CXorf58: variants seen among roughly 807,000 people sequenced by gnomAD.
The protein encoded by CXorf58 is uncharacterized protein CXorf58.
CXorf58 carries 24 observed loss-of-function variants against 26.0 expected under a neutral mutation model. The observed-to-expected ratio is 0.92, with a 90% CI of 0.67 to 1.30. The LOEUF (loss-of-function observed/expected upper bound fraction) is 1.30. Among genes scored for constraint, CXorf58 ranks in the 50% most tolerant of loss-of-function variants. The pLI, the probability that CXorf58 is intolerant of heterozygous loss-of-function variation, is 0.00. For missense variants in CXorf58, 236 were observed against 263.9 expected, an observed-to-expected ratio of 0.89 and a Z score of 0.73; for synonymous variants, 87 against 86.1, an observed-to-expected ratio of 1.01 and a Z score of -0.06.
Position 23,927,306 on chromosome X carries a change from G to A in CXorf58, c.491G>A (p.Arg164His), listed in dbSNP as rs762524721. ...CACCGTATAATTATGGAAGATGAAC[G>A]TATTTTCCCGAAGTCCAAAGTAACT... is the stretch of plus-strand genomic sequence containing the variant. ...KFHRIIMEDERIFPKSKVTDI... is the reference protein window; with the variant it reads ...KFHRIIMEDEHIFPKSKVTDI... Residue 164 changes from arginine (R) to histidine (H), a missense_variant, in exon 6 of 9, where the codon CGT (arginine) becomes CAT (histidine). Transcript: ENST00000379211. The A allele has an allele frequency of 3.4e-6, 4 of 1,160,741 alleles. No individual in the cohort carries two copies. The highest frequency in any genetic ancestry group is 6.2e-5 in the East Asian group (2 of 32,096).
rs1927589635 is a variant in CXorf58, at chrX:23,911,872, A to AT, written c.216+23dup. On this transcript the variant is annotated intron_variant, in intron 3 of 8. Coordinates refer to ENST00000379211, the MANE Select transcript of CXorf58 (RefSeq NM_152761.3). ...TTGTGCAGCGGTATGTATTTTGCTT[A>AT]TTTTTTTCTCTGAGGGATTTAATTA... is the stretch of plus-strand genomic sequence containing the variant. The AT allele has an allele frequency of 2.8e-6, 3 of 1,077,093 alleles. No homozygotes were observed. Among genetic ancestry groups the AT allele is most frequent in the Admixed American group, 2.4e-5 (1 of 42,222 alleles). The allele number at this position is 1,077,093 out of a possible 1,213,427, so 88.8% of individuals were successfully genotyped here.
rs116158322 is a variant in CXorf58, at chrX:23,916,437, C to T, written c.423+109C>T. 1,302 of 454,463 alleles carry T rather than the reference C, an allele frequency of 2.9e-3. 21 individuals carry two copies. The African/African-American group carries it at 0.032, about 11-fold the overall frequency. The allele number at this position is 454,463 out of a possible 1,213,427, so 37.5% of individuals were successfully genotyped here. On this transcript the variant is annotated intron_variant, in intron 5 of 8. Transcript: ENST00000379211. ...ATAAGTTATTTCACCATGAAACAGCCCACCAGGTAGGTAGTGTGTTTTTTT... is the reference window on the plus strand; with the variant it reads ...ATAAGTTATTTCACCATGAAACAGCTCACCAGGTAGGTAGTGTGTTTTTTT...
intron 5 of CXorf58, among the ~76,000 whole-genome samples, chrX:23,925,119 A>G (rs1329888342): frequency 1.8e-5 from 2 of 112,107 alleles, no homozygotes; most frequent in Non-Finnish European, 3.8e-5. Flanking sequence ...TACGTTAGGA[A>G]TAAAACTTCA....
intron 3 of CXorf58, among the ~76,000 whole-genome samples, chrX:23,912,135 T>A (rs1927599031): frequency 9.0e-6 from 1 of 110,631 alleles, no homozygotes; most frequent in Admixed American, 9.6e-5. Context: ...GTATTTTTAG[T>A]AGCGATGGGG....
intron 2 of CXorf58, among the ~76,000 whole-genome samples, chrX:23,910,782 T>G (rs1386504220): frequency 1.0e-5 from 1 of 99,523 alleles, no homozygotes; most frequent in Non-Finnish European, 2.0e-5. Context: ...TTTTTTTTTT[T>G]TCAGACAGAG....
chrX:23,936,115 C>T (rs1309093900), intron 7 of CXorf58, among the ~76,000 whole-genome samples: 2 of 109,462 alleles, frequency 1.8e-5, no homozygotes, highest in Admixed American at 2.0e-4. Flanking sequence ...TGCGATCTGC[C>T]GAGAACCAGG....
At chrX:23,917,807 CGCT>C (rs1927769906) in intron 5 of CXorf58, among the ~76,000 whole-genome samples, 1 of 111,923 alleles carries the variant, frequency 8.9e-6, no homozygotes. Context: ...AAAATGCTGC[CGCT>C]GCTGCTGGTC....
At chrX:23,924,391 G>A (rs778860975) in intron 5 of CXorf58, among the ~76,000 whole-genome samples, 237 of 108,985 alleles carry the variant, frequency 2.2e-3, no homozygotes, top group African/African-American at 7.6e-3. Flanking sequence ...GCACAATCTC[G>A]GCTCAGTGCA....
intron 4 of CXorf58, 97 bp downstream of exon 4, chrX:23,915,891 T>TA: frequency 2.0e-6 from 1 of 503,379 alleles, no homozygotes; most frequent in South Asian, 3.3e-5. Flanking sequence ...TCTCAGAACT[T>TA]AATTACAAAG....
chrX:23,918,020 T>G (rs1927775249), intron 5 of CXorf58, among the ~76,000 whole-genome samples: 1 of 110,956 alleles, frequency 9.0e-6, no homozygotes, highest in Admixed American at 9.7e-5. Flanking sequence ...TTTTTTGTAT[T>G]TTTAGTAGAG....
chrX:23,936,852 A>G (rs181690945), intron 7 of CXorf58, among the ~76,000 whole-genome samples: 5 of 111,840 alleles, frequency 4.5e-5, no homozygotes, highest in Admixed American at 1.9e-4. Flanking sequence ...GATTTTCTCT[A>G]ACTCATCCAT....
At chrX:23,923,035 A>T (rs1381008153) in intron 5 of CXorf58, among the ~76,000 whole-genome samples, 1 of 112,241 alleles carries the variant, frequency 8.9e-6, no homozygotes, top group Non-Finnish European at 1.9e-5. Context: ...ATTGGCTGGT[A>T]TCCTGGAATC....
At chrX:23,926,678 A>G (rs1039974250) in intron 5 of CXorf58, among the ~76,000 whole-genome samples, 6 of 112,536 alleles carry the variant, frequency 5.3e-5, no homozygotes, top group African/African-American at 1.9e-4. Context: ...TTTTAAAACT[A>G]TGTTCTCTGA....
intron 6 of CXorf58, among the ~76,000 whole-genome samples, chrX:23,934,402 C>G (rs927271209): frequency 2.7e-5 from 3 of 110,307 alleles, no homozygotes; most frequent in African/African-American, 9.9e-5. Flanking sequence ...CACCCACAAC[C>G]AATCAATTTT....
intron 5 of CXorf58, among the ~76,000 whole-genome samples, chrX:23,920,502 C>T (rs748464812): frequency 2.7e-5 from 3 of 111,561 alleles, no homozygotes; most frequent in South Asian, 7.5e-4. Context: ...CCTGCATGTG[C>T]GGCATTGACT....
chrX:23,916,117 TG>T, intron 4 of CXorf58, 99 bp from the exon 5 acceptor site: 1 of 488,169 alleles, frequency 2.0e-6, no homozygotes, highest in East Asian at 3.7e-5. Context: ...GCCTTTACCC[TG>T]TATGCAAGAA....
chrX:23,917,623 G>A (rs1337118265), intron 5 of CXorf58, among the ~76,000 whole-genome samples: 1 of 109,372 alleles, frequency 9.1e-6, no homozygotes, highest in Non-Finnish European at 1.9e-5. Context: ...TCAACATGTT[G>A]GCCAGGCTGG....
Position 23,939,355 on chromosome X carries a change from A to G in CXorf58, c.*52A>G. 1.1e-6 allele frequency: 1 copy of G among 908,832 alleles called. No individual in the cohort carries two copies. Among genetic ancestry groups the G allele is most frequent in the South Asian group, 2.3e-5 (1 of 42,786 alleles). 74.9% of individuals were successfully genotyped at this position (908,832 alleles called of 1,213,427 possible). A position where few individuals can be genotyped will look rare whatever the true frequency, so the allele number is the denominator to read the frequency against. On this transcript the variant is annotated 3_prime_UTR_variant, in exon 9 of 9. Coordinates refer to ENST00000379211, the MANE Select transcript of CXorf58 (RefSeq NM_152761.3). ...CAGAGTGTCAGCTGGAAAAAGAAAA[A>G]AGGACTCATTTTCCTGGTATCAAAA...
rs1482159319 is a variant in CXorf58 at position 23,936,230 on chromosome X, G to A, written c.785+805G>A. Among the ~76,000 whole-genome samples, 4 of 111,478 alleles carry A rather than the reference G, an allele frequency of 3.6e-5. No individual in the cohort carries two copies. In the East Asian group the frequency reaches 1.1e-3, roughly 32 times the overall value. On this transcript the variant is annotated intron_variant, in intron 7 of 8. Transcript: ENST00000379211. ...CTCTGGGAAGACAGCACTTGATGCAGGTGCTCATTTTTGTTTTCATGAATA... is the reference window on the plus strand; with the variant it reads ...CTCTGGGAAGACAGCACTTGATGCAAGTGCTCATTTTTGTTTTCATGAATA...
Sources: allele counts gnomAD v4.1 joint callset (sites outside exome capture counted in the v4.1 genomes callset), GRCh38; gene constraint gnomAD v4.1.1; transcripts MANE v1.5; gene names NCBI Gene and HGNC (gene_info 2026-07-23, HGNC 2026-07-21).